PHF20L1: variants seen among roughly 807,000 people sequenced by gnomAD.
The protein encoded by PHF20L1 is PHD finger protein 20-like protein 1.
Under a neutral mutation model 125.5 loss-of-function variants are expected in PHF20L1, and 44 were observed. The observed-to-expected ratio is 0.35, with a 90% confidence interval of 0.28 to 0.45. The LOEUF is 0.45. PHF20L1 is among the 20% of genes least tolerant of loss of function. The probability of loss-of-function intolerance (pLI) is 1.00; values close to 1 mark genes in which losing one functional copy is unlikely to be tolerated. For missense variants in PHF20L1, 1,012 were observed against 1,217.2 expected (o/e 0.83, Z 2.51); for synonymous variants, 380 against 403.1 (o/e 0.94, Z 0.69).
At chr8:132,782,827 G>A (rs1372223899) in intron 2 of PHF20L1, among the ~76,000 whole-genome samples, 1 of 149,830 alleles carries the variant, frequency 6.7e-6, no homozygotes, top group African/African-American at 2.5e-5. Context: ...GGCTGGTCTT[G>A]AACTCATGGG....
intron 15 of PHF20L1, among the ~76,000 whole-genome samples, chr8:132,835,950 G>A (rs1449632701): frequency 1.3e-5 from 2 of 151,814 alleles, no homozygotes; most frequent in Non-Finnish European, 2.9e-5. Flanking sequence ...CCTCTCTGAA[G>A]TTGTTTATAG....
intron 10 of PHF20L1, chr8:132,815,091 A>C (rs933834131): frequency 4.7e-6 from 2 of 428,016 alleles, no homozygotes; most frequent in Non-Finnish European, 4.1e-6. Context: ...GCTGGTTGAG[A>C]ATCCTTTCCA....
At chr8:132,801,329 T>G (rs1833020128) in intron 6 of PHF20L1, among the ~76,000 whole-genome samples, 1 of 151,746 alleles carries the variant, frequency 6.6e-6, no homozygotes, top group African/African-American at 2.4e-5. Context: ...GTAGATCCTT[T>G]GACATAGGTA....
chr8:132,778,890 T>C (rs956001558), intron 2 of PHF20L1, among the ~76,000 whole-genome samples: 1 of 152,184 alleles, frequency 6.6e-6, no homozygotes, highest in South Asian at 2.1e-4. Context: ...TCTTGGACTT[T>C]CCCAGACTTT....
At chr8:132,802,979 T>A (rs1833260662) in intron 6 of PHF20L1, among the ~76,000 whole-genome samples, 1 of 151,818 alleles carries the variant, frequency 6.6e-6, no homozygotes, top group Non-Finnish European at 1.5e-5. Flanking sequence ...TTAAAAACAT[T>A]TTTATTGTGA....
rs1175522392 is a variant in PHF20L1, at chr8:132,846,553, A to G, written c.*630A>G. 1 of 152,562 alleles carries G rather than the reference A, an allele frequency of 6.6e-6. No homozygotes were observed. Among genetic ancestry groups the G allele is most frequent in the Non-Finnish European group, 1.5e-5 (1 of 68,006 alleles). The allele number at this position is 152,562 out of a possible 1,614,324, so 9.5% of individuals were successfully genotyped here. A position where few individuals can be genotyped will look rare whatever the true frequency, so the allele number is the denominator to read the frequency against. On this transcript the variant is annotated 3_prime_UTR_variant, in exon 21 of 21. Coordinates refer to ENST00000395386, the MANE Select transcript of PHF20L1 (RefSeq NM_016018.5). ...TTACTTCATTATGAATGTATTTAAA[A>G]AACAAACACCAAATAATTGGAATAT...
intron 13 of PHF20L1, chr8:132,824,680 T>C (rs1835962115): frequency 5.8e-6 from 1 of 172,500 alleles, no homozygotes; most frequent in Admixed American, 5.5e-5. Context: ...TTTAAGTACA[T>C]ATGATTGGGG....
At chr8:132,834,008 A>C (rs1485313437) in intron 15 of PHF20L1, among the ~76,000 whole-genome samples, 1 of 152,146 alleles carries the variant, frequency 6.6e-6, no homozygotes, top group African/African-American at 2.4e-5. Context: ...ATGCTGTCTC[A>C]GGAAATAGCA....
intron 16 of PHF20L1, among the ~76,000 whole-genome samples, chr8:132,837,272 C>T (rs578146335): frequency 8.5e-5 from 13 of 152,156 alleles, no homozygotes; most frequent in Non-Finnish European, 1.9e-4. Flanking sequence ...TTTTTCCTCC[C>T]ATTTTTCTGT....
intron 2 of PHF20L1, among the ~76,000 whole-genome samples, chr8:132,780,907 T>G (rs1830350854): frequency 6.7e-6 from 1 of 149,956 alleles, no homozygotes; most frequent in African/African-American, 2.5e-5. Context: ...TGCAGTGGCG[T>G]GATCTTGGCT....
intron 11 of PHF20L1, 76 bp downstream of exon 11, chr8:132,817,152 A>G: frequency 1.0e-6 from 1 of 999,002 alleles, no homozygotes; most frequent in Non-Finnish European, 1.4e-6. Flanking sequence ...AGATTATTAA[A>G]ATATTAAGAT....
chr8:132,799,968 G>T (rs895493339), intron 6 of PHF20L1: 6 of 151,386 alleles, frequency 4.0e-5, no homozygotes, highest in Non-Finnish European at 7.4e-5. Flanking sequence ...TCAGTGGTGT[G>T]ATTTCTTGGT....
intron 2 of PHF20L1, among the ~76,000 whole-genome samples, chr8:132,778,677 G>A (rs1830092753): frequency 1.3e-5 from 2 of 152,324 alleles, no homozygotes; most frequent in South Asian, 2.1e-4. Context: ...TAGGAATGAG[G>A]AGGATTCTCC....
chr8:132,834,500 A>G (rs1203885929), intron 15 of PHF20L1, among the ~76,000 whole-genome samples: 1 of 151,846 alleles, frequency 6.6e-6, no homozygotes, highest in African/African-American at 2.4e-5. Context: ...TGCCTAGCAA[A>G]TTATTTTTGC....
At chr8:132,813,804 A>G (rs2131657168) in intron 9 of PHF20L1, among the ~76,000 whole-genome samples, 1 of 152,148 alleles carries the variant, frequency 6.6e-6, no homozygotes, top group African/African-American at 2.4e-5. Flanking sequence ...ATTTTAACAT[A>G]TGTAGGAAAT....
At chr8:132,815,753 C>T (rs1425785731) in intron 10 of PHF20L1, 1 of 151,800 alleles carries the variant, frequency 6.6e-6, no homozygotes, top group Non-Finnish European at 1.5e-5. Flanking sequence ...ATATTTTCTA[C>T]TGAATCATTT....
Position 132,846,200 on chromosome 8 carries a change from A to G in PHF20L1, c.*277A>G, listed in dbSNP as rs1053150752. The G allele has an allele frequency of 1.6e-5, 4 of 243,234 alleles. No homozygotes were observed. Among genetic ancestry groups the G allele is most frequent in the Admixed American group, 1.6e-4 (3 of 19,104 alleles). The allele number at this position is 243,234 out of a possible 1,614,324, so 15.1% of individuals were successfully genotyped here. A position where few individuals can be genotyped will look rare whatever the true frequency, so the allele number is the denominator to read the frequency against. ...ATATAATGTATACTAAGGGATTTCA[A>G]GTTCTCAGAATTTTTGAGTAGTTGC... On this transcript the variant is annotated 3_prime_UTR_variant, in exon 21 of 21. Coordinates refer to ENST00000395386, the MANE Select transcript of PHF20L1 (RefSeq NM_016018.5).
rs1174347710 is a variant in PHF20L1 at position 132,815,020 on chromosome 8, A to G, written c.1183+131A>G. 12 of 638,592 alleles carry G rather than the reference A, an allele frequency of 1.9e-5. No homozygotes were observed. In the South Asian group the frequency reaches 2.1e-4, roughly 11 times the overall value. The allele number at this position is 638,592 out of a possible 1,614,324, so 39.6% of individuals were successfully genotyped here. A position where few individuals can be genotyped will look rare whatever the true frequency, so the allele number is the denominator to read the frequency against. Reference sequence around the variant, plus strand: ...AAGTGGATATGATAGGGAAGGCTTGAAACTATTTCAGGGGCAAAAACCATA... The same window carrying G: ...AAGTGGATATGATAGGGAAGGCTTGGAACTATTTCAGGGGCAAAAACCATA... On this transcript the variant is annotated intron_variant, in intron 10 of 20. Coordinates refer to ENST00000395386, the MANE Select transcript of PHF20L1 (RefSeq NM_016018.5).
rs1838149667 is a variant in PHF20L1, at chr8:132,843,589, C to T, written c.2749-567C>T. Reference sequence around the variant, plus strand: ...CATGTGCAAAATGAGTTATCTCTGGCAAATCCAAACGCACATTGTGTGTGT... The same window carrying T: ...CATGTGCAAAATGAGTTATCTCTGGTAAATCCAAACGCACATTGTGTGTGT... On this transcript the variant is annotated intron_variant, in intron 19 of 20. Coordinates refer to ENST00000395386, the MANE Select transcript of PHF20L1 (RefSeq NM_016018.5). The T allele has an allele frequency of 9.2e-6, 9 of 976,014 alleles. No individual in the cohort carries two copies. The South Asian group carries it at 3.8e-4, about 42-fold the overall frequency. 60.5% of individuals were successfully genotyped at this position (976,014 alleles called of 1,614,324 possible).
Sources: allele counts gnomAD v4.1 joint callset (sites outside exome capture counted in the v4.1 genomes callset), GRCh38; gene constraint gnomAD v4.1.1; transcripts MANE v1.5; gene names NCBI Gene and HGNC (gene_info 2026-07-23, HGNC 2026-07-21).